Variants in MLPH observed in about 807,000 individuals in gnomAD.
MLPH encodes melanophilin, also known as exophilin-3.
In MLPH, 51 loss-of-function variants were observed where a neutral mutation model predicts 72.1. That is an observed-to-expected ratio of 0.71 (90% CI 0.56 to 0.89). The LOEUF is 0.89. MLPH is among the 40% of genes least tolerant of loss of function. MLPH has a pLI of 0.00. For synonymous variants in MLPH, 301 were observed against 310.1 expected (o/e 0.97, Z 0.31); for missense variants, 743 against 759.9 (o/e 0.98, Z 0.26).
intron 9 of MLPH, among the ~76,000 whole-genome samples, chr2:237,539,296 C>T (rs1219333701): frequency 2.0e-5 from 3 of 152,110 alleles, no homozygotes; most frequent in East Asian, 1.9e-4. Flanking sequence ...GAAGGTGGTG[C>T]AAGGCAGACC....
chr2:237,552,407 G>A lies in MLPH; in HGVS notation c.1746G>A (p.Ala582=), dbSNP rs755092225. 1.8e-5 allele frequency: 29 copies of A among 1,613,900 alleles called. No individual in the cohort carries two copies. The highest frequency in any genetic ancestry group is 8.0e-5 in the African/African-American group (6 of 74,860). Residue 582 remains alanine (A), a synonymous_variant, in exon 15 of 16, where the codon GCG becomes GCA. Coordinates refer to ENST00000264605, the MANE Select transcript of MLPH (RefSeq NM_024101.7). The part of the protein sequence containing the change: ...RGSLTQRNPN[A]RKGMASHTFA... ...CGCTGACACAGAGAAACCCCAACGCGAGGAAAGGAATGGCCAGCCACACCT... is the reference window on the plus strand; with the variant it reads ...CGCTGACACAGAGAAACCCCAACGCAAGGAAAGGAATGGCCAGCCACACCT...
At chr2:237,527,938 T>C (rs971500959) in intron 8 of MLPH, among the ~76,000 whole-genome samples, 1 of 152,218 alleles carries the variant, frequency 6.6e-6, no homozygotes, top group Non-Finnish European at 1.5e-5. Context: ...CATGGAATAT[T>C]ATTCACCCCT....
chr2:237,527,421 G>T lies in MLPH; in HGVS notation c.925G>T (p.Ala309Ser), dbSNP rs747284515. The change falls in exon 8 of 16, where the codon GCC becomes TCC. Residue 309 changes from alanine (A) to serine (S), a missense_variant. Coordinates refer to ENST00000264605, the MANE Select transcript of MLPH (RefSeq NM_024101.7). ...TGAGCAGCTGCCCCTGCAGTACTTG[G>T]CCGATGTGGACACCTCTGATGAGGA... Reference protein sequence around the residue: ...RNEQLPLQYLADVDTSDEESI... With the variant: ...RNEQLPLQYLSDVDTSDEESI... 2 of 1,614,190 alleles carry T rather than the reference G, an allele frequency of 1.2e-6. No homozygotes were observed. Among genetic ancestry groups the T allele is most frequent in the South Asian group, 2.2e-5 (2 of 91,084 alleles).
intron 4 of MLPH, among the ~76,000 whole-genome samples, chr2:237,516,338 G>A (rs1028784262): frequency 2.6e-5 from 4 of 152,196 alleles, no homozygotes; most frequent in African/African-American, 9.7e-5. Context: ...GTGGGGCTGT[G>A]CTAGGGAGGC....
At chr2:237,492,192 C>G (rs2079441064) in intron 1 of MLPH, among the ~76,000 whole-genome samples, 2 of 152,144 alleles carry the variant, frequency 1.3e-5, no homozygotes. Context: ...ATTTTCCTTC[C>G]TCTGTCCTTT....
At chr2:237,491,905 G>A (rs2079435626) in intron 1 of MLPH, among the ~76,000 whole-genome samples, 1 of 152,134 alleles carries the variant, frequency 6.6e-6, no homozygotes, top group Admixed American at 6.5e-5. Context: ...TACAGGCCAA[G>A]GTCCTCTGTG....
At chr2:237,543,460 G>C (rs1266228984) in intron 12 of MLPH, among the ~76,000 whole-genome samples, 1 of 34,036 alleles carries the variant, frequency 2.9e-5, no homozygotes, top group Non-Finnish European at 5.0e-5. Context: ...TGAGTTGGGG[G>C]ACAGTGGTGA....
chr2:237,553,519 C>A, intron 15 of MLPH, 47 bp from the exon 16 acceptor site: 1 of 1,580,724 alleles, frequency 6.3e-7, no homozygotes, highest in South Asian at 1.1e-5. Context: ...TGTTACATGC[C>A]TGTGTATGTG....
In MLPH at chr2:237,541,146, C is replaced by A. The variant is rs1308352638; in HGVS notation, c.1446+189C>A. Among the ~76,000 whole-genome samples the A allele has an allele frequency of 2.6e-5, 4 of 152,208 alleles. No homozygotes were observed. Among genetic ancestry groups the A allele is most frequent in the Non-Finnish European group, 5.9e-5 (4 of 68,036 alleles). On this transcript the variant is annotated intron_variant, in intron 11 of 15. Coordinates refer to ENST00000264605, the MANE Select transcript of MLPH (RefSeq NM_024101.7). The surrounding 1 kb of genome is among the most constrained non-coding windows in gnomAD (Gnocchi z 5.1). Reference sequence around the variant, plus strand: ...TCTGGGGGACTCACCTAATTCGCCACCCCCTGAGCCCTCCACCCCTTCCCT... The same window carrying A: ...TCTGGGGGACTCACCTAATTCGCCAACCCCTGAGCCCTCCACCCCTTCCCT...
rs551149810 is a variant in MLPH at position 237,553,917 on chromosome 2, T to C, written c.*325T>C. On this transcript the variant is annotated 3_prime_UTR_variant, in exon 16 of 16. Coordinates refer to ENST00000264605, the MANE Select transcript of MLPH (RefSeq NM_024101.7). ...ACCGAAGACCTTTATACTGTGATCT[T>C]TTACCCCTTTCACTCTTGGCTTTCT... is the stretch of plus-strand genomic sequence containing the variant. 1.2e-5 allele frequency: 6 copies of C among 484,216 alleles called. No homozygotes were observed. The highest frequency in any genetic ancestry group is 1.2e-4 in the East Asian group (3 of 25,146). 30.0% of individuals were successfully genotyped at this position (484,216 alleles called of 1,614,324 possible).
intron 8 of MLPH, among the ~76,000 whole-genome samples, chr2:237,529,216 T>A (rs2080369702): frequency 6.6e-6 from 1 of 152,124 alleles, no homozygotes; most frequent in African/African-American, 2.4e-5. Context: ...CTAATTTTTG[T>A]ATTTTTAGTA....
chr2:237,516,164 A>T (rs2080012794), intron 4 of MLPH, among the ~76,000 whole-genome samples: 1 of 152,202 alleles, frequency 6.6e-6, no homozygotes, highest in Non-Finnish European at 1.5e-5. Context: ...GGCCCAGAGG[A>T]TCTGACCTCC....
At position 237,525,741 on chromosome 2, in the gene MLPH, C is replaced by A. The variant is rs141984261; in HGVS notation, c.816C>A (p.Ala272=). The A allele has an allele frequency of 1.4e-5, 22 of 1,613,924 alleles. No individual in the cohort carries two copies. Among genetic ancestry groups the A allele is most frequent in the Non-Finnish European group, 1.9e-5 (22 of 1,180,044 alleles). The change falls in exon 7 of 16, where the codon GCC becomes GCA. Residue 272 remains alanine, a synonymous_variant. Coordinates refer to ENST00000264605, the MANE Select transcript of MLPH (RefSeq NM_024101.7). ...PTSISPSRHG[A]LAELCPPGGS... The stretch of plus-strand genomic sequence containing the variant: ...GCATCTCACCTTCCAGACACGGCGC[C>A]CTGGCTGAGCTCTGCCCGCCTGGAG...
rs2080104744 is a variant in MLPH, at chr2:237,518,602, A to G, written c.509A>G (p.Glu170Gly). Residue 170 changes from glutamate to glycine, a missense_variant, in exon 5 of 16, where the codon GAA becomes GGA. Coordinates refer to ENST00000264605, the MANE Select transcript of MLPH (RefSeq NM_024101.7). ...AGCGACCAGACAGATGAGGATGGAG[A>G]ACCTGGCTCAGAGGCCCAGGCCCAG... ...GDSDQTDEDG[E>G]PGSEAQAQAQ... The G allele has an allele frequency of 6.2e-7, 1 of 1,613,684 alleles. No individual in the cohort carries two copies. The highest frequency in any genetic ancestry group is 1.3e-5 in the African/African-American group (1 of 74,874).
At position 237,540,449 on chromosome 2, in the gene MLPH, G is replaced by A. The variant is rs747490586; in HGVS notation, c.1206G>A (p.Ser402=). The A allele has an allele frequency of 1.6e-5, 26 of 1,612,722 alleles. No homozygotes were observed. The highest frequency in any genetic ancestry group is 1.7e-4 in the Middle Eastern group (1 of 5,982). ...GCAACGTCAGTGACCAGGAGACCTC[G>A]TCCGAGGAGGAGGAAGCCAAGGACG... ...LTSNVSDQET[S]SEEEEAKDEK... is the part of the protein sequence containing the mutation. The change falls in exon 10 of 16, where the codon TCG becomes TCA. Residue 402 remains serine, a synonymous_variant. Transcript: ENST00000264605.
rs1271065959 is a variant in MLPH, at chr2:237,510,530, A to G, written c.111-44A>G. On this transcript the variant is annotated intron_variant, in intron 2 of 15. Transcript: ENST00000264605. This position sits in a 1 kb window ranked among gnomAD's most constrained non-coding sequence, Gnocchi z 4.4. ...GTACACACTTAAAGCCTGTTGCAAA[A>G]ACAAGATGCCCAATATATTTCTTGT... The G allele has an allele frequency of 6.3e-7, 1 of 1,596,800 alleles. No homozygotes were observed. The highest frequency in any genetic ancestry group is 1.7e-5 in the Admixed American group (1 of 59,272).
intron 1 of MLPH, among the ~76,000 whole-genome samples, chr2:237,492,976 C>T (rs556918581): frequency 1.3e-5 from 2 of 152,340 alleles, no homozygotes; most frequent in Admixed American, 1.3e-4. Context: ...TGTGAAGTTT[C>T]CTCTTTTCTG....
At chr2:237,498,351 G>A (rs1469725441) in intron 2 of MLPH, among the ~76,000 whole-genome samples, 1 of 152,234 alleles carries the variant, frequency 6.6e-6, no homozygotes, top group Non-Finnish European at 1.5e-5. Context: ...TCACGTTGAA[G>A]GACGCTGGGC....
In MLPH at chr2:237,534,553, T is replaced by C. The variant is rs933060326; in HGVS notation, c.1021-11T>C. ...GGTCCTCTGCCCACTGTTTCTCTCCTTCTGCTGCAGATCTTTGAGCTGAAT... is the reference window on the plus strand; with the variant it reads ...GGTCCTCTGCCCACTGTTTCTCTCCCTCTGCTGCAGATCTTTGAGCTGAAT... On this transcript the variant is annotated splice_polypyrimidine_tract_variant and intron_variant, in intron 8 of 15. Coordinates refer to ENST00000264605, the MANE Select transcript of MLPH (RefSeq NM_024101.7). The C allele has an allele frequency of 6.2e-7, 1 of 1,612,176 alleles. No homozygotes were observed. The highest frequency in any genetic ancestry group is 1.7e-5 in the Admixed American group (1 of 59,990).
Sources: allele counts gnomAD v4.1 joint callset (sites outside exome capture counted in the v4.1 genomes callset), GRCh38; gene constraint gnomAD v4.1.1; non-coding constraint Gnocchi (gnomAD v3.1); transcripts MANE v1.5; gene names NCBI Gene and HGNC (gene_info 2026-07-23, HGNC 2026-07-21).